MAMDC2: variants seen among roughly 807,000 people sequenced by gnomAD.
MAMDC2 encodes MAM domain containing 2.
A neutral mutation model predicts 89.8 loss-of-function variants in MAMDC2; 57 were observed. The observed-to-expected ratio is 0.63, with a 90% confidence interval of 0.51 to 0.79. The LOEUF (loss-of-function observed/expected upper bound fraction) is 0.79, where lower values mean the gene tolerates loss of function less well. MAMDC2 is among the 30% of genes least tolerant of loss of function. The pLI is 0.00. For synonymous variants in MAMDC2, 313 were observed against 293.4 expected (o/e 1.07, Z -0.68); for missense variants, 800 against 820.6 (o/e 0.97, Z 0.31).
At chr9:70,134,971 C>A (rs1037066126) in intron 7 of MAMDC2, among the ~76,000 whole-genome samples, 1 of 152,128 alleles carries the variant, frequency 6.6e-6, no homozygotes, top group Admixed American at 6.5e-5. Flanking sequence ...GGCTGATGAG[C>A]CTTTTAGTCT....
intron 2 of MAMDC2, 45 bp downstream of exon 2, chr9:70,044,742 T>C (rs969894803): frequency 6.4e-6 from 9 of 1,398,194 alleles, no homozygotes; most frequent in Non-Finnish European, 8.9e-6. Flanking sequence ...ACTTTCTTCC[T>C]TGATGGCTTG....
At chr9:70,216,319 T>A (rs765867334) in intron 11 of MAMDC2, 1 of 152,152 alleles carries the variant, frequency 6.6e-6, no homozygotes, top group Non-Finnish European at 1.5e-5. Flanking sequence ...AAGTCCAACA[T>A]CAAGGTGCCA....
At chr9:70,133,514 C>G (rs2030886524) in intron 7 of MAMDC2, among the ~76,000 whole-genome samples, 1 of 152,178 alleles carries the variant, frequency 6.6e-6, no homozygotes, top group African/African-American at 2.4e-5. Flanking sequence ...TTAACCAAGT[C>G]TCCATACTGA....
intron 9 of MAMDC2, among the ~76,000 whole-genome samples, chr9:70,161,096 C>T (rs2031953867): frequency 6.6e-6 from 1 of 152,110 alleles, no homozygotes; most frequent in African/African-American, 2.4e-5. Flanking sequence ...TGGACCTGTT[C>T]TTCATTCTAA....
At chr9:70,108,583 G>A in intron 3 of MAMDC2, 101 bp downstream of exon 3, 1 of 989,236 alleles carries the variant, frequency 1.0e-6, no homozygotes, top group South Asian at 2.0e-5. Flanking sequence ...GTTATCTCCT[G>A]GATTATGACG....
chr9:70,134,989 C>T (rs917249724), intron 7 of MAMDC2, among the ~76,000 whole-genome samples: 2 of 152,070 alleles, frequency 1.3e-5, no homozygotes, highest in African/African-American at 4.8e-5. Context: ...TCTGTGGGAC[C>T]GATGTTGAGT....
chr9:70,207,613 T>C (rs1309684887), intron 11 of MAMDC2, among the ~76,000 whole-genome samples: 1 of 152,238 alleles, frequency 6.6e-6, no homozygotes, highest in Non-Finnish European at 1.5e-5. Context: ...TTTCTTTTGC[T>C]GTGCAGAAGC....
chr9:70,141,510 G>A (rs2031221805), intron 8 of MAMDC2, among the ~76,000 whole-genome samples: 1 of 152,136 alleles, frequency 6.6e-6, no homozygotes, highest in South Asian at 2.1e-4. Context: ...CACAGGTTGT[G>A]GTAAGTGCTG....
At chr9:70,216,195 AAAAT>A (rs957481229) in intron 11 of MAMDC2, 3 of 152,346 alleles carry the variant, frequency 2.0e-5, no homozygotes, top group African/African-American at 7.2e-5. Context: ...ATATATGTAA[AAAAT>A]AAATCAAAAT....
chr9:70,052,997 T>G (rs560451053), intron 2 of MAMDC2, among the ~76,000 whole-genome samples: 1 of 152,168 alleles, frequency 6.6e-6, no homozygotes, highest in Non-Finnish European at 1.5e-5. Context: ...AATGCAACCT[T>G]GAGAGTGGCA....
intron 11 of MAMDC2, among the ~76,000 whole-genome samples, chr9:70,200,658 A>C (rs1258142372): frequency 1.2e-4 from 16 of 137,700 alleles, no homozygotes; most frequent in Non-Finnish European, 2.3e-4. Flanking sequence ...GGCCATTTTC[A>C]CGATATTGAT....
At chr9:70,074,589 G>T (rs550470322) in intron 2 of MAMDC2, among the ~76,000 whole-genome samples, 1 of 152,168 alleles carries the variant, frequency 6.6e-6, no homozygotes, top group African/African-American at 2.4e-5. Context: ...TTTCCCAGCC[G>T]CCACCAAGGC....
At chr9:70,052,219 G>T (rs1342680789) in intron 2 of MAMDC2, among the ~76,000 whole-genome samples, 1 of 152,146 alleles carries the variant, frequency 6.6e-6, no homozygotes, top group Non-Finnish European at 1.5e-5. Context: ...CTCGTCTTAA[G>T]TATCTTTTGA....
chr9:70,200,069 G>C (rs1457286975), intron 11 of MAMDC2, among the ~76,000 whole-genome samples: 1 of 150,464 alleles, frequency 6.6e-6, no homozygotes, highest in African/African-American at 2.4e-5. Context: ...GATCCCATTT[G>C]TCAATTTTGG....
intron 11 of MAMDC2, among the ~76,000 whole-genome samples, chr9:70,181,298 T>A (rs1346122205): frequency 6.6e-6 from 1 of 152,216 alleles, no homozygotes; most frequent in African/African-American, 2.4e-5. Context: ...TGCCTCCAGC[T>A]TTGTTCTTTT....
At chr9:70,162,144 A>C (rs2031995127) in intron 9 of MAMDC2, among the ~76,000 whole-genome samples, 1 of 152,218 alleles carries the variant, frequency 6.6e-6, no homozygotes, top group Admixed American at 6.5e-5. Context: ...TGGTGGATTA[A>C]CCCAACAACC....
intron 9 of MAMDC2, among the ~76,000 whole-genome samples, chr9:70,160,327 G>T (rs574896854): frequency 5.3e-5 from 8 of 152,226 alleles, no homozygotes; most frequent in African/African-American, 1.9e-4. Context: ...GATAATGAAA[G>T]CTTTATGGGG....
intron 5 of MAMDC2, among the ~76,000 whole-genome samples, chr9:70,116,730 C>G (rs1187232406): frequency 2.7e-5 from 4 of 150,816 alleles, no homozygotes; most frequent in Non-Finnish European, 4.4e-5. Flanking sequence ...CTAAAGGGAC[C>G]AAGGGGTGAG....
intron 5 of MAMDC2, among the ~76,000 whole-genome samples, chr9:70,115,390 T>C (rs1299798431): frequency 6.6e-6 from 1 of 152,130 alleles, no homozygotes; most frequent in Admixed American, 6.5e-5. Context: ...AGTCTTGCTC[T>C]GTTGCACAGG....
Sources: gnomAD v4.1 joint callset for allele counts (sites outside exome capture counted in the v4.1 genomes callset) on GRCh38, gnomAD v4.1.1 for gene constraint, MANE v1.5 for transcripts, NCBI Gene and HGNC (gene_info 2026-07-23, HGNC 2026-07-21) for gene names.